NDST4: variants seen among roughly 807,000 people sequenced by gnomAD.
NDST4 encodes N-heparan sulfate sulfotransferase 4.
A neutral mutation model predicts 100.8 loss-of-function variants in NDST4; 63 were observed. The observed-to-expected ratio is 0.62, with a 90% confidence interval of 0.51 to 0.77. The LOEUF is 0.77. Ranked by LOEUF, NDST4 falls within the 30% of genes least tolerant of loss-of-function variation. The pLI, the probability that NDST4 is intolerant of heterozygous loss-of-function variation, is 0.00. For missense variants in NDST4, 943 were observed against 1,018.4 expected (o/e 0.93, Z 1.01); for synonymous variants, 377 against 361.8 (o/e 1.04, Z -0.48).
intron 6 of NDST4, among the ~76,000 whole-genome samples, chr4:114,886,870 A>G (rs922682262): frequency 6.6e-6 from 1 of 152,190 alleles, no homozygotes; most frequent in Non-Finnish European, 1.5e-5. Context: ...CTTTTGTGAG[A>G]GTAGAGAAGT....
chr4:114,926,395 C>T (rs1482790888), intron 6 of NDST4, among the ~76,000 whole-genome samples: 2 of 152,028 alleles, frequency 1.3e-5, no homozygotes, highest in African/African-American at 4.8e-5. Flanking sequence ...AAATATAACA[C>T]ATAATAGCAA....
intron 6 of NDST4, among the ~76,000 whole-genome samples, chr4:114,902,322 C>A (rs1724861754): frequency 1.3e-5 from 2 of 151,824 alleles, no homozygotes; most frequent in South Asian, 4.1e-4. Flanking sequence ...GTCTTTATTT[C>A]TTCTTCATAG....
intron 2 of NDST4, among the ~76,000 whole-genome samples, chr4:115,058,548 ACT>A (rs1407230639): frequency 6.6e-6 from 1 of 152,092 alleles, no homozygotes; most frequent in Non-Finnish European, 1.5e-5. Context: ...GACAAATGTT[ACT>A]GTTTGTACTG....
In NDST4 at chr4:115,065,764, C is replaced by T. The variant is rs891418571; in HGVS notation, c.978+10295G>A. Among the ~76,000 whole-genome samples the T allele has an allele frequency of 3.3e-5, 5 of 152,120 alleles. No individual in the cohort carries two copies. The South Asian group carries it at 8.3e-4, about 25-fold the overall frequency. On this transcript the variant is annotated intron_variant, in intron 2 of 13. Coordinates refer to ENST00000264363, the MANE Select transcript of NDST4 (RefSeq NM_022569.3). ...TATCCTATTTTCAACAGAATAAAGG[C>T]AAACGTTCTATAACAGAATAGGGGA... is the stretch of plus-strand genomic sequence containing the variant.
At chr4:115,112,099 A>T (rs1578529697) in intron 1 of NDST4, among the ~76,000 whole-genome samples, 1 of 151,562 alleles carries the variant, frequency 6.6e-6, no homozygotes, top group East Asian at 1.9e-4. Flanking sequence ...ACACACGCAC[A>T]CACTCATGCA....
intron 6 of NDST4, among the ~76,000 whole-genome samples, chr4:114,917,004 C>T (rs942069418): frequency 3.3e-5 from 5 of 151,844 alleles, no homozygotes; most frequent in African/African-American, 9.7e-5. Flanking sequence ...TATAGTTGTC[C>T]CTTGGTATCT....
chr4:114,921,899 T>G (rs934484524), intron 6 of NDST4, among the ~76,000 whole-genome samples: 1 of 151,866 alleles, frequency 6.6e-6, no homozygotes, highest in African/African-American at 2.4e-5. Context: ...TATCATTTTC[T>G]TCCTTTTCTC....
intron 4 of NDST4, among the ~76,000 whole-genome samples, chr4:114,937,863 G>T (rs1244971170): frequency 6.7e-6 from 1 of 148,806 alleles, no homozygotes; most frequent in African/African-American, 2.5e-5. Context: ...AAAGGGCATA[G>T]AATGCGTGTG....
rs56658909 is a variant in NDST4 at position 115,075,784 on chromosome 4, G to GAAA, written c.978+272_978+274dup. Among the ~76,000 whole-genome samples, 404 of 87,418 alleles carry GAAA rather than the reference G, an allele frequency of 4.6e-3. 14 individuals are homozygous for GAAA. Among genetic ancestry groups the GAAA allele is most frequent in the African/African-American group, 0.019 (386 of 20,682 alleles). 57.3% of individuals were successfully genotyped at this position (87,418 alleles called of 152,430 possible). A position where few individuals can be genotyped will look rare whatever the true frequency, so the allele number is the denominator to read the frequency against. On this transcript the variant is annotated intron_variant, in intron 2 of 13. Coordinates refer to ENST00000264363, the MANE Select transcript of NDST4 (RefSeq NM_022569.3). The stretch of plus-strand genomic sequence containing the variant: ...GGGCGACAGAGCAAGAGTCTGTTCA[G>GAAA]AAAAAAAAAAAAAAAAAAAGGCAAA...
chr4:115,024,517 A>C (rs1727937354), intron 2 of NDST4, among the ~76,000 whole-genome samples: 1 of 152,068 alleles, frequency 6.6e-6, no homozygotes, highest in African/African-American at 2.4e-5. Context: ...TTATTTTCAA[A>C]TGGGAATGCC....
intron 2 of NDST4, among the ~76,000 whole-genome samples, chr4:115,013,466 T>C (rs567079012): frequency 1.3e-5 from 2 of 150,972 alleles, no homozygotes; most frequent in South Asian, 4.2e-4. Context: ...CCCATAAGGA[T>C]CTACAGTCTT....
chr4:114,971,079 T>C (rs948970670), intron 3 of NDST4, among the ~76,000 whole-genome samples: 8 of 152,032 alleles, frequency 5.3e-5, no homozygotes, highest in Admixed American at 1.3e-4. Context: ...TGTAAGACCA[T>C]CTTCTAGAGC....
At chr4:114,908,459 T>C (rs7694381) in intron 6 of NDST4, among the ~76,000 whole-genome samples, 108,895 of 151,902 alleles carry the variant, frequency 0.72, 39,805 homozygotes, top group African/African-American at 0.86. Flanking sequence ...TTCTCTCTTC[T>C]CCTCTGGAAC....
chr4:115,095,062 G>T (rs1472436559), intron 1 of NDST4, among the ~76,000 whole-genome samples: 2 of 152,128 alleles, frequency 1.3e-5, no homozygotes, highest in African/African-American at 4.8e-5. Flanking sequence ...TGTCTACCAA[G>T]AATTCCAGCC....
chr4:115,096,749 T>C (rs1036052854), intron 1 of NDST4, among the ~76,000 whole-genome samples: 1 of 152,106 alleles, frequency 6.6e-6, no homozygotes, highest in East Asian at 1.9e-4. Context: ...TTTTTTATCA[T>C]GATTCACTTA....
intron 2 of NDST4, among the ~76,000 whole-genome samples, chr4:114,998,430 C>G (rs1047707919): frequency 2.0e-5 from 3 of 152,068 alleles, no homozygotes; most frequent in African/African-American, 7.2e-5. Context: ...GAGGTCATGG[C>G]TCACACTGTG....
intron 7 of NDST4, among the ~76,000 whole-genome samples, chr4:114,857,610 T>C (rs1723824545): frequency 6.6e-6 from 1 of 152,216 alleles, no homozygotes; most frequent in African/African-American, 2.4e-5. Flanking sequence ...TAAAATGGAC[T>C]TTGGTGGCAC....
At chr4:115,044,383 G>T (rs1430587829) in intron 2 of NDST4, among the ~76,000 whole-genome samples, 1 of 152,108 alleles carries the variant, frequency 6.6e-6, no homozygotes, top group Non-Finnish European at 1.5e-5. Context: ...GAAGAAACAA[G>T]TGAGAAGAAA....
chr4:115,012,069 TA>T (rs1162919978), intron 2 of NDST4, among the ~76,000 whole-genome samples: 1 of 151,770 alleles, frequency 6.6e-6, no homozygotes, highest in Non-Finnish European at 1.5e-5. Context: ...GAATGAGTAC[TA>T]GGGTCTTAGA....
Sources: gnomAD v4.1 joint callset for allele counts (sites outside exome capture counted in the v4.1 genomes callset) on GRCh38, gnomAD v4.1.1 for gene constraint, MANE v1.5 for transcripts, NCBI Gene and HGNC (gene_info 2026-07-23, HGNC 2026-07-21) for gene names.